Variants in SESTD1 observed in about 807,000 individuals in gnomAD.
SESTD1 encodes SEC14 and spectrin domain containing 1.
A neutral mutation model predicts 101.7 loss-of-function variants in SESTD1; 43 were observed. The ratio of observed to expected loss-of-function variants is 0.42; its 90% CI spans 0.33 to 0.55. SESTD1 has a LOEUF of 0.55. Ranked by LOEUF, SESTD1 falls within the 20% of genes least tolerant of loss-of-function variation. The pLI, the probability that SESTD1 is intolerant of heterozygous loss-of-function variation, is 0.07. For missense variants in SESTD1, 647 were observed against 815.1 expected (o/e 0.79, Z 2.51); for synonymous variants, 283 against 286.8 (o/e 0.99, Z 0.13).
At chr2:179,236,215 T>C (rs1195402074) in intron 1 of SESTD1, among the ~76,000 whole-genome samples, 2 of 151,222 alleles carry the variant, frequency 1.3e-5, no homozygotes, top group African/African-American at 4.9e-5. Context: ...TAGCCAGGTG[T>C]GGTGGCTCAC....
intron 5 of SESTD1, among the ~76,000 whole-genome samples, chr2:179,164,503 G>A (rs990113158): frequency 6.6e-6 from 1 of 152,126 alleles, no homozygotes; most frequent in Non-Finnish European, 1.5e-5. Flanking sequence ...ACAGAATATA[G>A]ACACTATCAT....
chr2:179,117,384 G>A (rs2044656119), intron 14 of SESTD1, 148 bp downstream of exon 14: 2 of 602,878 alleles, frequency 3.3e-6, no homozygotes, highest in African/African-American at 5.7e-5. Flanking sequence ...GAATACCAAA[G>A]TGTATTCTTC....
At chr2:179,264,244 C>T (rs2047524942) in intron 1 of SESTD1, 1 of 152,138 alleles carries the variant, frequency 6.6e-6, no homozygotes, top group South Asian at 2.1e-4. Context: ...AAAGGCGGCC[C>T]GCAGGGCTCC....
At chr2:179,228,400 G>A (rs1309464766) in intron 1 of SESTD1, among the ~76,000 whole-genome samples, 1 of 152,150 alleles carries the variant, frequency 6.6e-6, no homozygotes, top group African/African-American at 2.4e-5. Context: ...GGTTAAAGGA[G>A]TTCCATCTTA....
chr2:179,230,113 CTTTTTTTTTTTTTTT>C lies in SESTD1; in HGVS notation c.-26+34371_-26+34385del, dbSNP rs71023474. ...AAATATTCCAAACTGGATTGTATCT[CTTTTTTTTTTTTTTT>C]TTTTTTTTTTTTTTTTTTTTTTTGA... On this transcript the variant is annotated intron_variant, in intron 1 of 17. Coordinates refer to ENST00000428443, the MANE Select transcript of SESTD1 (RefSeq NM_178123.5). Among the ~76,000 whole-genome samples, 125 of 56,412 alleles carry C rather than the reference CTTTTTTTTTTTTTTT, an allele frequency of 2.2e-3. 1 individual carries two copies. The highest frequency in any genetic ancestry group is 0.013 in the Middle Eastern group (1 of 76). The allele number at this position is 56,412 out of a possible 152,430, so 37.0% of individuals were successfully genotyped here. A position where few individuals can be genotyped will look rare whatever the true frequency, so the allele number is the denominator to read the frequency against.
At chr2:179,175,285 G>A (rs2045992202) in intron 4 of SESTD1, among the ~76,000 whole-genome samples, 1 of 152,116 alleles carries the variant, frequency 6.6e-6, no homozygotes, top group East Asian at 1.9e-4. Flanking sequence ...TTACCACTTT[G>A]TTCCTATCCC....
chr2:179,102,091 A>C lies in SESTD1; in HGVS notation c.*7808T>G, dbSNP rs1202002532. The C allele has an allele frequency of 6.6e-6, 1 of 152,156 alleles. No individual in the cohort carries two copies. Among genetic ancestry groups the C allele is most frequent in the Non-Finnish European group, 1.5e-5 (1 of 68,018 alleles). The allele number at this position is 152,156 out of a possible 1,614,324, so 9.4% of individuals were successfully genotyped here. A position where few individuals can be genotyped will look rare whatever the true frequency, so the allele number is the denominator to read the frequency against. On this transcript the variant is annotated 3_prime_UTR_variant, in exon 18 of 18. Coordinates refer to ENST00000428443, the MANE Select transcript of SESTD1 (RefSeq NM_178123.5). ...CACATTCACCTTTGATGCCTTAAAA[A>C]TGGACTTCTCAGTAGGAACAATGGA...
intron 13 of SESTD1, 50 bp from the exon 14 acceptor site, chr2:179,117,663 A>G (rs745350035): frequency 2.1e-6 from 3 of 1,405,428 alleles, no homozygotes; most frequent in Non-Finnish European, 2.9e-6. Flanking sequence ...TTTATTGATT[A>G]CTATTGTAAC....
At chr2:179,140,160 T>A (rs2045245302) in intron 9 of SESTD1, among the ~76,000 whole-genome samples, 1 of 152,160 alleles carries the variant, frequency 6.6e-6, no homozygotes, top group African/African-American at 2.4e-5. Context: ...ATCTTTAAAG[T>A]TTTTCATATC....
rs545496491 is a variant in SESTD1 at position 179,174,608 on chromosome 2, C to T, written c.255+1840G>A. ...AAAAGTGCTGGAAGCACTTTTTTTT[C>T]AAAGAAAAAGTTATTTTAGGACACC... On this transcript the variant is annotated intron_variant, in intron 4 of 17. Transcript: ENST00000428443. The T allele has an allele frequency of 1.8e-4, 66 of 372,370 alleles. No individual in the cohort carries two copies. The East Asian group carries it at 3.4e-3, about 19-fold the overall frequency. The allele number at this position is 372,370 out of a possible 1,614,324, so 23.1% of individuals were successfully genotyped here.
At chr2:179,149,842 A>T (rs1391067302) in intron 6 of SESTD1, among the ~76,000 whole-genome samples, 2 of 152,256 alleles carry the variant, frequency 1.3e-5, no homozygotes, top group Non-Finnish European at 2.9e-5. Flanking sequence ...TATAATTTTA[A>T]TGATTTCTTC....
intron 1 of SESTD1, among the ~76,000 whole-genome samples, chr2:179,246,403 G>GA (rs2047232215): frequency 6.6e-6 from 1 of 152,030 alleles, no homozygotes. Context: ...TAACAAAGCT[G>GA]AAAAATATGT....
intron 1 of SESTD1, among the ~76,000 whole-genome samples, chr2:179,206,907 G>A (rs1432649706): frequency 7.5e-6 from 1 of 133,518 alleles, no homozygotes; most frequent in Non-Finnish European, 1.6e-5. Context: ...CTCTATGGGA[G>A]CTGGGTGAGG....
At position 179,105,626 on chromosome 2, in the gene SESTD1, A is replaced by G. The variant is rs1553514900; in HGVS notation, c.*4273T>C. 6.6e-6 allele frequency: 1 copy of G among 152,182 alleles called. No individual in the cohort carries two copies. Among genetic ancestry groups the G allele is most frequent in the Non-Finnish European group, 1.5e-5 (1 of 68,026 alleles). 9.4% of individuals were successfully genotyped at this position (152,182 alleles called of 1,614,324 possible). On this transcript the variant is annotated 3_prime_UTR_variant, in exon 18 of 18. Transcript: ENST00000428443. ...TGTGAGACAACAGAAAGGATAAAGA[A>G]TACTCTATTTTTTATTCTGAAAAGA...
At chr2:179,182,040 T>C (rs1021298572) in intron 3 of SESTD1, among the ~76,000 whole-genome samples, 1 of 151,188 alleles carries the variant, frequency 6.6e-6, no homozygotes, top group Non-Finnish European at 1.5e-5. Context: ...TAGAACACTA[T>C]TGGATGCAGG....
intron 5 of SESTD1, among the ~76,000 whole-genome samples, chr2:179,171,431 C>T (rs2045928703): frequency 1.3e-5 from 2 of 152,094 alleles, no homozygotes; most frequent in East Asian, 3.9e-4. Context: ...TCTTTATTAT[C>T]TGACTGTAAG....
intron 1 of SESTD1, among the ~76,000 whole-genome samples, chr2:179,220,485 C>T (rs113504011): frequency 2.0e-5 from 3 of 152,098 alleles, no homozygotes; most frequent in African/African-American, 7.2e-5. Context: ...TAGAGTATCC[C>T]CTATGGCTAG....
chr2:179,158,133 T>C (rs1433982790), intron 5 of SESTD1, among the ~76,000 whole-genome samples: 2 of 152,208 alleles, frequency 1.3e-5, no homozygotes, highest in African/African-American at 4.8e-5. Context: ...ACTAAATTTG[T>C]AGAAGACAAT....
intron 1 of SESTD1, among the ~76,000 whole-genome samples, chr2:179,222,986 C>A (rs556259100): frequency 6.6e-6 from 1 of 152,072 alleles, no homozygotes; most frequent in African/African-American, 2.4e-5. Context: ...GACTTGTACA[C>A]GAATGTTCAC....
Sources: gnomAD v4.1 joint callset for allele counts (sites outside exome capture counted in the v4.1 genomes callset) on GRCh38, gnomAD v4.1.1 for gene constraint, MANE v1.5 for transcripts, NCBI Gene and HGNC (gene_info 2026-07-23, HGNC 2026-07-21) for gene names.